Variants in TICRR observed in about 807,000 individuals in gnomAD.
The protein encoded by TICRR is treslin.
Under a neutral mutation model 178.1 loss-of-function variants are expected in TICRR, and 132 were observed. The ratio of observed to expected loss-of-function variants is 0.74; its 90% CI spans 0.64 to 0.86. The LOEUF (loss-of-function observed/expected upper bound fraction) is 0.86. Ranked by LOEUF, TICRR falls within the 40% of genes least tolerant of loss-of-function variation. TICRR has a pLI of 0.00. For missense variants in TICRR, 2,587 were observed against 2,334.3 expected (o/e 1.11, Z -2.23); for synonymous variants, 991 against 900.7 (o/e 1.10, Z -1.79).
intron 4 of TICRR, among the ~76,000 whole-genome samples, chr15:89,590,339 G>A (rs1385623243): frequency 2.0e-5 from 3 of 152,194 alleles, no homozygotes; most frequent in African/African-American, 7.2e-5. Flanking sequence ...CCAAAGCAAC[G>A]TAATATTTTG....
chr15:89,575,786 A>T lies in TICRR; in HGVS notation c.200A>T (p.Glu67Val). The T allele has an allele frequency of 6.2e-7, 1 of 1,608,040 alleles. No individual in the cohort carries two copies. Among genetic ancestry groups the T allele is most frequent in the Non-Finnish European group, 8.5e-7 (1 of 1,178,300 alleles). ...SRPSRVSDFR[E>V]LGSRSWEDFE... ...CCGTCCCGCGTGTCTGACTTCCGCG[A>T]GCTGGGGTCCCGCTCGTGGGAGGAC... is the stretch of plus-strand genomic sequence containing the variant. The change falls in exon 1 of 22, where the codon GAG becomes GTG. Residue 67 changes from glutamate to valine, a missense_variant. Physicochemically the swap from Glu to Val is moderately radical, Grantham distance 121. Transcript: ENST00000268138.
At chr15:89,587,416 G>A (rs1962840625) in intron 4 of TICRR, among the ~76,000 whole-genome samples, 2 of 152,138 alleles carry the variant, frequency 1.3e-5, no homozygotes, top group South Asian at 4.1e-4. Context: ...CATGAGATGG[G>A]TTAAGATCAC....
At chr15:89,576,479 C>G (rs1392613918) in intron 1 of TICRR, among the ~76,000 whole-genome samples, 1 of 152,104 alleles carries the variant, frequency 6.6e-6, no homozygotes, top group East Asian at 1.9e-4. Flanking sequence ...ACTTGATTTT[C>G]CTACACACTA....
Position 89,602,883 on chromosome 15 carries a change from T to C in TICRR, c.2655T>C (p.Ala885=). 6.6e-7 allele frequency: 1 copy of C among 1,516,450 alleles called. No individual in the cohort carries two copies. The highest frequency in any genetic ancestry group is 8.8e-7 in the Non-Finnish European group (1 of 1,132,078). 93.9% of individuals were successfully genotyped at this position (1,516,450 alleles called of 1,614,324 possible). ...QIEIPKVSKR[A]TKKENSHPAP... ...AAATTCCTAAAGTGTCAAAGAGAGC[T>C]ACGAAAAAAGTAAGTAAACCTTCCA... Residue 885 remains alanine (A), a synonymous_variant, in exon 13 of 22, where the codon GCT becomes GCC. Coordinates refer to ENST00000268138, the MANE Select transcript of TICRR (RefSeq NM_152259.4).
chr15:89,591,267 G>A (rs1309332416), intron 4 of TICRR, among the ~76,000 whole-genome samples: 4 of 152,120 alleles, frequency 2.6e-5, no homozygotes, highest in African/African-American at 4.8e-5. Context: ...AGGAATACAG[G>A]CACCTGCCAC....
Position 89,595,614 on chromosome 15 carries a change from A to T in TICRR, c.1900+3A>T. On this transcript the variant is annotated splice_donor_region_variant and intron_variant, in intron 7 of 21. Transcript: ENST00000268138. ...ACTAAGAAGTTCTAAACCTAAAGGT[A>T]TTCCTCTTAGTCTATAATTTACTCT... 1 of 1,609,634 alleles carries T rather than the reference A, an allele frequency of 6.2e-7. No homozygotes were observed. The highest frequency in any genetic ancestry group is 8.5e-7 in the Non-Finnish European group (1 of 1,176,452).
intron 6 of TICRR, among the ~76,000 whole-genome samples, chr15:89,594,961 A>G (rs8038028): frequency 0.091 from 13,908 of 152,208 alleles, 773 homozygotes; most frequent in African/African-American, 0.16. Context: ...TATGCGTATA[A>G]TTTGTTTTTT....
At chr15:89,576,860 T>TATACAC (rs1555419112) in intron 1 of TICRR, among the ~76,000 whole-genome samples, 10 of 128,610 alleles carry the variant, frequency 7.8e-5, no homozygotes, top group Middle Eastern at 7.9e-3. Flanking sequence ...TATATATATA[T>TATACAC]ACACACACAC....
intron 3 of TICRR, 82 bp from the exon 4 acceptor site, chr15:89,585,626 T>C: frequency 5.3e-6 from 5 of 935,850 alleles, no homozygotes; most frequent in Non-Finnish European, 8.4e-6. Context: ...GGGAAAATGG[T>C]TATTCTGTCT....
rs1441341219 is a variant in TICRR at position 89,582,828 on chromosome 15, T to C, written c.797T>C (p.Leu266Pro). 10 of 1,614,070 alleles carry C rather than the reference T, an allele frequency of 6.2e-6. No homozygotes were observed. Among genetic ancestry groups the C allele is most frequent in the Non-Finnish European group, 6.8e-6 (8 of 1,180,036 alleles). Residue 266 changes from leucine (L) to proline (P), a missense_variant, in exon 2 of 22, where the codon CTG (leucine) becomes CCG (proline). Coordinates refer to ENST00000268138, the MANE Select transcript of TICRR (RefSeq NM_152259.4). ...GEMLLRSGIK[L>P]SSEPHLSPWI... ...ATGCTGCTCAGGAGTGGAATAAAGC[T>C]GTCAAGTGAACCTCATCTTTCTCCG...
intron 13 of TICRR, among the ~76,000 whole-genome samples, chr15:89,603,975 G>A (rs1317950263): frequency 1.3e-5 from 2 of 152,074 alleles, no homozygotes; most frequent in Non-Finnish European, 2.9e-5. Context: ...CACAGATAAT[G>A]GGGTACTATT....
At chr15:89,602,934 A>G (rs1199525328) in intron 13 of TICRR, 42 bp downstream of exon 13, 3 of 1,121,244 alleles carry the variant, frequency 2.7e-6, no homozygotes, top group Non-Finnish European at 3.6e-6. Context: ...GTAAATAAGA[A>G]CAAAAAGGCA....
At chr15:89,596,038 A>G (rs923358477) in intron 7 of TICRR, among the ~76,000 whole-genome samples, 4 of 152,202 alleles carry the variant, frequency 2.6e-5, no homozygotes, top group Non-Finnish European at 4.4e-5. Flanking sequence ...ATGCAAGGGA[A>G]GGCTGAAACA....
rs1596039192 is a variant in TICRR, at chr15:89,582,833, A to G, written c.802A>G (p.Ser268Gly). ...GCTCAGGAGTGGAATAAAGCTGTCA[A>G]GTGAACCTCATCTTTCTCCGTGGAT... Reference protein sequence around the residue: ...MLLRSGIKLSSEPHLSPWISM... With the variant: ...MLLRSGIKLSGEPHLSPWISM... Residue 268 changes from serine (S) to glycine (G), a missense_variant, in exon 2 of 22, where the codon AGT (serine) becomes GGT (glycine). Ser to Gly is a moderately conservative substitution (Grantham distance 56). Coordinates refer to ENST00000268138, the MANE Select transcript of TICRR (RefSeq NM_152259.4). 6.2e-7 allele frequency: 1 copy of G among 1,614,228 alleles called. No individual in the cohort carries two copies. Among genetic ancestry groups the G allele is most frequent in the Non-Finnish European group, 8.5e-7 (1 of 1,180,038 alleles).
intron 7 of TICRR, among the ~76,000 whole-genome samples, chr15:89,596,994 C>T (rs1358237125): frequency 6.6e-6 from 1 of 152,070 alleles, no homozygotes; most frequent in Non-Finnish European, 1.5e-5. Context: ...TTGAACTGTG[C>T]TCAATGTGGT....
intron 1 of TICRR, among the ~76,000 whole-genome samples, chr15:89,576,915 A>AT (rs1207153482): frequency 2.7e-5 from 4 of 146,862 alleles, no homozygotes; most frequent in Non-Finnish European, 6.0e-5. Context: ...ATATTTATTT[A>AT]TTATTATTTT....
In TICRR at chr15:89,621,396, A is replaced by C; in HGVS notation, c.3158A>C (p.Gln1053Pro). The C allele has an allele frequency of 6.3e-7, 1 of 1,592,936 alleles. No homozygotes were observed. The highest frequency in any genetic ancestry group is 8.5e-7 in the Non-Finnish European group (1 of 1,174,470). Residue 1053 changes from glutamine (Q) to proline (P), a missense_variant, in exon 19 of 22, where the codon CAA becomes CCA. Physicochemically the swap from Gln to Pro is moderately conservative, Grantham distance 76. Coordinates refer to ENST00000268138, the MANE Select transcript of TICRR (RefSeq NM_152259.4). The stretch of plus-strand genomic sequence containing the variant: ...TGTTGCTGTTTTTGACTTGCAGACC[A>C]AAGAGAAAATTCTCCAGTCCAAAGT... The part of the protein sequence containing the change: ...VHSFQQDKSD[Q>P]RENSPVQSIR...
Position 89,627,224 on chromosome 15 carries a change from A to G in TICRR, c.*138A>G. The G allele has an allele frequency of 2.9e-6, 3 of 1,048,700 alleles. No individual in the cohort carries two copies. The highest frequency in any genetic ancestry group is 4.1e-6 in the Non-Finnish European group (3 of 730,296). The allele number at this position is 1,048,700 out of a possible 1,614,324, so 65.0% of individuals were successfully genotyped here. A position where few individuals can be genotyped will look rare whatever the true frequency, so the allele number is the denominator to read the frequency against. ...CCATTAGAATGCCTTAGGGTTTTCT[A>G]ATTCCCCTTATGGATCCAATCCATC... On this transcript the variant is annotated 3_prime_UTR_variant, in exon 22 of 22. Transcript: ENST00000268138.
At chr15:89,604,805 G>A (rs1963150985) in intron 13 of TICRR, among the ~76,000 whole-genome samples, 1 of 148,588 alleles carries the variant, frequency 6.7e-6, no homozygotes, top group Admixed American at 6.7e-5. Context: ...GTCAGGATTT[G>A]ATTGTGGTTA....
Sources: allele counts gnomAD v4.1 joint callset (sites outside exome capture counted in the v4.1 genomes callset), GRCh38; gene constraint gnomAD v4.1.1; transcripts MANE v1.5; gene names NCBI Gene and HGNC (gene_info 2026-07-23, HGNC 2026-07-21).